KLHL2: variants seen among roughly 807,000 people sequenced by gnomAD.
KLHL2 encodes kelch-like protein 2.
KLHL2 carries 15 observed loss-of-function variants against 75.8 expected under a neutral mutation model. That is an observed-to-expected ratio of 0.20 (90% CI 0.13 to 0.30). The LOEUF (loss-of-function observed/expected upper bound fraction) is 0.30. KLHL2 is among the 10% of genes least tolerant of loss of function. The pLI, the probability that KLHL2 is intolerant of heterozygous loss-of-function variation, is 1.00. For missense variants in KLHL2, 381 were observed against 741.0 expected (o/e 0.51, Z 5.64); for synonymous variants, 214 against 251.9 (o/e 0.85, Z 1.42).
chr4:165,290,831 G>T (rs1370332777), intron 5 of KLHL2, among the ~76,000 whole-genome samples: 1 of 152,152 alleles, frequency 6.6e-6, no homozygotes, highest in African/African-American at 2.4e-5. Flanking sequence ...GCTAGATGAG[G>T]TGGCAGGTGC....
At chr4:165,312,507 A>C (rs1397507553) in intron 11 of KLHL2, among the ~76,000 whole-genome samples, 1 of 152,156 alleles carries the variant, frequency 6.6e-6, no homozygotes, top group African/African-American at 2.4e-5. Context: ...ACTTAGAAAA[A>C]AACAGCTTTA....
At chr4:165,264,715 T>TATATATAC (rs1742045816) in intron 5 of KLHL2, among the ~76,000 whole-genome samples, 2 of 75,838 alleles carry the variant, frequency 2.6e-5, no homozygotes, top group African/African-American at 1.0e-4. Flanking sequence ...TATATATATA[T>TATATATAC]ATATACATAT....
intron 1 of KLHL2, among the ~76,000 whole-genome samples, chr4:165,216,999 A>G (rs1578970373): frequency 2.0e-5 from 3 of 152,296 alleles, no homozygotes; most frequent in African/African-American, 7.2e-5. Flanking sequence ...GAATTCTCCA[A>G]TGCAGGGAAT....
At chr4:165,259,612 A>T (rs1244531348) in intron 4 of KLHL2, among the ~76,000 whole-genome samples, 1 of 152,250 alleles carries the variant, frequency 6.6e-6, no homozygotes, top group East Asian at 1.9e-4. Context: ...ATTGTCTGGC[A>T]AGTGCTTAGC....
At chr4:165,301,773 T>C (rs1259586638) in intron 8 of KLHL2, among the ~76,000 whole-genome samples, 1 of 152,240 alleles carries the variant, frequency 6.6e-6, no homozygotes, top group African/African-American at 2.4e-5. Flanking sequence ...AAATACTTCA[T>C]ATTTGTAAAA....
chr4:165,305,429 C>T lies in KLHL2; in HGVS notation c.922-179C>T, dbSNP rs141950136. Among the ~76,000 whole-genome samples the T allele has an allele frequency of 9.5e-3, 1,453 of 152,230 alleles. 13 individuals are homozygous for T. The highest frequency in any genetic ancestry group is 0.022 in the South Asian group (108 of 4,828). On this transcript the variant is annotated intron_variant, in intron 8 of 14. Transcript: ENST00000226725. ...CTGGACGATAGAATTGTATTTTTAA[C>T]GTGTGTCCCCTTGGTTGATGTTTAT...
chr4:165,247,487 C>A (rs2111147107), intron 4 of KLHL2, among the ~76,000 whole-genome samples: 1 of 151,896 alleles, frequency 6.6e-6, no homozygotes, highest in Non-Finnish European at 1.5e-5. Context: ...TTAGAATAAC[C>A]TAGTAGAAAA....
intron 6 of KLHL2, among the ~76,000 whole-genome samples, chr4:165,295,912 AG>A (rs1744870598): frequency 6.6e-6 from 1 of 152,242 alleles, no homozygotes; most frequent in Non-Finnish European, 1.5e-5. Flanking sequence ...GAGCCTTAAA[AG>A]GGTTTTAAGC....
At chr4:165,287,584 A>G (rs1176553689) in intron 5 of KLHL2, among the ~76,000 whole-genome samples, 1 of 152,000 alleles carries the variant, frequency 6.6e-6, no homozygotes, top group East Asian at 1.9e-4. Flanking sequence ...TTTTTTTATA[A>G]TAGTTGCATT....
At chr4:165,244,066 T>A (rs1478459041) in intron 4 of KLHL2, among the ~76,000 whole-genome samples, 3 of 152,092 alleles carry the variant, frequency 2.0e-5, no homozygotes, top group Non-Finnish European at 4.4e-5. Context: ...GCTTTTTTTT[T>A]AAGTGCAGCA....
chr4:165,305,516 A>T (rs542529463), intron 8 of KLHL2, 92 bp from the exon 9 acceptor site: 1 of 1,030,888 alleles, frequency 9.7e-7, no homozygotes, highest in African/African-American at 1.6e-5. Context: ...TCTTCATCCT[A>T]ACACTTCCCA....
Position 165,207,822 on chromosome 4 carries a change from A to C in KLHL2, c.-55A>C. The C allele has an allele frequency of 2.1e-6, 3 of 1,397,710 alleles. No individual in the cohort carries two copies. Among genetic ancestry groups the C allele is most frequent in the Non-Finnish European group, 1.9e-6 (2 of 1,059,794 alleles). The allele number at this position is 1,397,710 out of a possible 1,614,324, so 86.6% of individuals were successfully genotyped here. On this transcript the variant is annotated 5_prime_UTR_variant, in exon 1 of 15. The change abolishes an upstream ATG in the 5' untranslated region. Transcript: ENST00000226725. This position sits in a 1 kb window ranked among gnomAD's most constrained non-coding sequence, Gnocchi z 4.2. ...GGCAGTGCCGGCGTCCGCGGCTGGA[A>C]TGGTGCTGGCTGTGTTGGTCGGTGC...
At chr4:165,233,450 T>C (rs1438664573) in intron 3 of KLHL2, among the ~76,000 whole-genome samples, 2 of 48,204 alleles carry the variant, frequency 4.1e-5, no homozygotes, top group Non-Finnish European at 4.2e-5. Flanking sequence ...ATTTTTAGCC[T>C]TTTTTTTGGT....
intron 4 of KLHL2, among the ~76,000 whole-genome samples, chr4:165,240,076 G>T (rs2111108765): frequency 6.6e-6 from 1 of 152,188 alleles, no homozygotes; most frequent in East Asian, 1.9e-4. Context: ...TTATAAGCTG[G>T]ATTCCTCAAA....
chr4:165,243,335 A>G (rs553773600), intron 4 of KLHL2, among the ~76,000 whole-genome samples: 1 of 152,378 alleles, frequency 6.6e-6, no homozygotes, highest in African/African-American at 2.4e-5. Context: ...TTACAAACAA[A>G]GGTAATGCTG....
At chr4:165,211,408 A>G (rs1737195722) in intron 1 of KLHL2, among the ~76,000 whole-genome samples, 1 of 152,220 alleles carries the variant, frequency 6.6e-6, no homozygotes. Flanking sequence ...TTTGACATAG[A>G]TCAGTAAAAA....
chr4:165,306,750 A>G (rs1400388409), intron 9 of KLHL2, among the ~76,000 whole-genome samples: 1 of 152,154 alleles, frequency 6.6e-6, no homozygotes, highest in African/African-American at 2.4e-5. Context: ...TAATAGTTTT[A>G]TTGATGTCAC....
At chr4:165,245,455 G>A (rs909145674) in intron 4 of KLHL2, among the ~76,000 whole-genome samples, 17 of 152,072 alleles carry the variant, frequency 1.1e-4, no homozygotes, top group Admixed American at 3.3e-4. Flanking sequence ...AAAGAGACTT[G>A]GTAAGGGCTG....
Position 165,314,053 on chromosome 4 carries a change from A to T in KLHL2, c.1496A>T (p.Tyr499Phe). 6.2e-7 allele frequency: 1 copy of T among 1,613,620 alleles called. No individual in the cohort carries two copies. The highest frequency in any genetic ancestry group is 1.7e-5 in the Admixed American group (1 of 59,986). The change falls in exon 13 of 15, where the codon TAT (tyrosine) becomes TTT (phenylalanine). Residue 499 changes from tyrosine (Y) to phenylalanine (F), a missense_variant. Around this residue, in one of 5 missense-constraint regions of KLHL2, gnomAD observed 168 missense variants for 370.4 expected, o/e 0.45. Coordinates refer to ENST00000226725, the MANE Select transcript of KLHL2 (RefSeq NM_007246.4). ...GTTGGTGTGTTAAACAATTTATTGTATGCTGTAGGAGGTCATGATGGCCCT... is the reference window on the plus strand; with the variant it reads ...GTTGGTGTGTTAAACAATTTATTGTTTGCTGTAGGAGGTCATGATGGCCCT... Reference protein sequence around the residue: ...AGVGVLNNLLYAVGGHDGPLV... With the variant: ...AGVGVLNNLLFAVGGHDGPLV...
Sources: gnomAD v4.1 joint callset for allele counts (sites outside exome capture counted in the v4.1 genomes callset) on GRCh38, gnomAD v4.1.1 for gene constraint, gnomAD v4.1.1 regional missense constraint, Gnocchi (gnomAD v3.1) non-coding constraint, MANE v1.5 for transcripts, NCBI Gene and HGNC (gene_info 2026-07-23, HGNC 2026-07-21) for gene names.